GIGYF2: variants seen among roughly 807,000 people sequenced by gnomAD.
GIGYF2 encodes GRB10 interacting GYF protein 2, also known as GRB10-interacting GYF protein 2.
A neutral mutation model predicts 208.1 loss-of-function variants in GIGYF2; 25 were observed. The observed-to-expected ratio is 0.12, with a 90% CI of 0.09 to 0.17. The LOEUF is 0.17. Among genes scored for constraint, GIGYF2 ranks in the 10% least tolerant of loss-of-function variants. The pLI is 1.00. For synonymous variants in GIGYF2, 534 were observed against 543.8 expected (o/e 0.98, Z 0.25); for missense variants, 1,302 against 1,579.4 (o/e 0.82, Z 2.98).
intron 6 of GIGYF2, among the ~76,000 whole-genome samples, chr2:232,759,585 A>G (rs1362181094): frequency 1.3e-5 from 2 of 152,132 alleles, no homozygotes; most frequent in African/African-American, 4.8e-5. Flanking sequence ...TGAACAGAAT[A>G]ATGTCCGTGC....
chr2:232,827,071 T>G (rs910590415), intron 21 of GIGYF2, among the ~76,000 whole-genome samples: 7 of 152,212 alleles, frequency 4.6e-5, no homozygotes, highest in African/African-American at 1.4e-4. Flanking sequence ...GAGAACTCAG[T>G]GCCTGGCCTC....
At chr2:232,756,198 T>TC (rs35554391) in intron 5 of GIGYF2, 25 bp from the exon 6 acceptor site, 95 of 172,562 alleles carry the variant, frequency 5.5e-4, no homozygotes, top group Middle Eastern at 2.7e-3. Flanking sequence ...CCTTTTTCTC[T>TC]TTTTTTTTTT....
At chr2:232,708,756 C>G (rs907068084) in intron 2 of GIGYF2, among the ~76,000 whole-genome samples, 1 of 151,700 alleles carries the variant, frequency 6.6e-6, no homozygotes, top group Non-Finnish European at 1.5e-5. Context: ...CCTCTGCCTC[C>G]CAGGCTCAAG....
chr2:232,790,408 G>A (rs1401572990), intron 9 of GIGYF2, among the ~76,000 whole-genome samples: 2 of 152,206 alleles, frequency 1.3e-5, no homozygotes, highest in African/African-American at 2.4e-5. Flanking sequence ...CTTACTGAAA[G>A]TGCGTACTTG....
At chr2:232,750,040 C>T (rs1381867241) in intron 5 of GIGYF2, among the ~76,000 whole-genome samples, 4 of 152,020 alleles carry the variant, frequency 2.6e-5, no homozygotes, top group Admixed American at 2.6e-4. Context: ...AAAAAATTAG[C>T]CGAGCATGGT....
chr2:232,729,219 A>G (rs774231134), intron 2 of GIGYF2, among the ~76,000 whole-genome samples: 1 of 152,102 alleles, frequency 6.6e-6, no homozygotes, highest in Non-Finnish European at 1.5e-5. Flanking sequence ...AGCTCAAGTG[A>G]TCTGCATGCC....
At position 232,765,251 on chromosome 2, in the gene GIGYF2, C is replaced by G. The variant is rs375223795; in HGVS notation, c.532+3815C>G. 310 of 152,274 alleles carry G rather than the reference C, an allele frequency of 2.0e-3. 1 individual carries two copies. Among genetic ancestry groups the G allele is most frequent in the African/African-American group, 7.1e-3 (295 of 41,550 alleles). 9.4% of individuals were successfully genotyped at this position (152,274 alleles called of 1,614,324 possible). A position where few individuals can be genotyped will look rare whatever the true frequency, so the allele number is the denominator to read the frequency against. Reference sequence around the variant, plus strand: ...ACATTGTTCATAATTATATCTTACACTCTCCAAGAGTAGCAATACTAAACT... The same window carrying G: ...ACATTGTTCATAATTATATCTTACAGTCTCCAAGAGTAGCAATACTAAACT... On this transcript the variant is annotated intron_variant, in intron 8 of 28. Coordinates refer to ENST00000373563, the MANE Select transcript of GIGYF2 (RefSeq NM_001103146.3).
chr2:232,851,903 G>A (rs928078597), intron 28 of GIGYF2, among the ~76,000 whole-genome samples: 1 of 152,294 alleles, frequency 6.6e-6, no homozygotes, highest in Admixed American at 6.5e-5. Context: ...TTTTGGTAGT[G>A]GGGATGAAAA....
At chr2:232,812,953 A>T (rs777620163) in intron 18 of GIGYF2, among the ~76,000 whole-genome samples, 19 of 152,070 alleles carry the variant, frequency 1.2e-4, no homozygotes, top group Non-Finnish European at 2.5e-4. Context: ...GTGAGCTATG[A>T]TCATGCCAAG....
intron 28 of GIGYF2, among the ~76,000 whole-genome samples, chr2:232,853,205 C>G (rs773520615): frequency 1.3e-5 from 2 of 152,162 alleles, no homozygotes; most frequent in African/African-American, 2.4e-5. Flanking sequence ...GCTACACATT[C>G]CCCATGCATA....
intron 8 of GIGYF2, among the ~76,000 whole-genome samples, chr2:232,773,547 G>A (rs532320103): frequency 6.6e-6 from 1 of 152,080 alleles, no homozygotes; most frequent in African/African-American, 2.4e-5. Context: ...TTCTCAAGAA[G>A]GTCTTTGATA....
chr2:232,817,141 GA>G (rs1700940510), intron 20 of GIGYF2, 109 bp downstream of exon 20: 1 of 873,290 alleles, frequency 1.1e-6, no homozygotes, highest in Non-Finnish European at 2.0e-6. Flanking sequence ...ATTGGGGTTA[GA>G]ACCTTAGAAG....
intron 2 of GIGYF2, among the ~76,000 whole-genome samples, chr2:232,721,903 T>C (rs1696960102): frequency 6.6e-6 from 1 of 152,236 alleles, no homozygotes; most frequent in African/African-American, 2.4e-5. Flanking sequence ...TCTCTAGTTC[T>C]ACTAGTGCTT....
intron 21 of GIGYF2, among the ~76,000 whole-genome samples, chr2:232,821,551 T>G (rs1285206556): frequency 6.6e-6 from 1 of 152,212 alleles, no homozygotes; most frequent in Non-Finnish European, 1.5e-5. Context: ...CTTTTAGCTC[T>G]TACTTTTAGT....
chr2:232,847,508 GCAGCTGCCA>G lies in GIGYF2; in HGVS notation c.3626_3634del (p.Leu1209_Gln1211del). On this transcript the variant is annotated inframe_deletion, in exon 27 of 29. Transcript: ENST00000373563. Reference sequence around the variant, plus strand: ...AAGCCAACCAGCAGCGTCAGCAGCAGCAGCTGCCACAGCAGCAGCAGCAGCAGCCGCCAC... The same window carrying G: ...AAGCCAACCAGCAGCGTCAGCAGCAGCAGCAGCAGCAGCAGCAGCCGCCAC... 1 of 1,381,962 alleles carries G rather than the reference GCAGCTGCCA, an allele frequency of 7.2e-7. No individual in the cohort carries two copies. The highest frequency in any genetic ancestry group is 9.9e-7 in the Non-Finnish European group (1 of 1,006,824). The allele number at this position is 1,381,962 out of a possible 1,614,324, so 85.6% of individuals were successfully genotyped here. A position where few individuals can be genotyped will look rare whatever the true frequency, so the allele number is the denominator to read the frequency against.
At chr2:232,851,019 G>A (rs1342802601) in intron 28 of GIGYF2, among the ~76,000 whole-genome samples, 2 of 152,090 alleles carry the variant, frequency 1.3e-5, no homozygotes, top group African/African-American at 4.8e-5. Flanking sequence ...TGTTACCCAC[G>A]GCTATTTTTA....
At position 232,833,196 on chromosome 2, in the gene GIGYF2, T is replaced by C. The variant is rs750817791; in HGVS notation, c.2766+103T>C. On this transcript the variant is annotated intron_variant, in intron 22 of 28. Coordinates refer to ENST00000373563, the MANE Select transcript of GIGYF2 (RefSeq NM_001103146.3). ...AGTAAAACTGTTCTTTCTTTCTTTT[T>C]TTAATATTAAAATATTTTAAATTAT... The C allele has an allele frequency of 2.5e-4, 150 of 607,716 alleles. 2 individuals are homozygous for C. In the Middle Eastern group the frequency reaches 5.4e-3, roughly 22 times the overall value. 37.6% of individuals were successfully genotyped at this position (607,716 alleles called of 1,614,324 possible). A position where few individuals can be genotyped will look rare whatever the true frequency, so the allele number is the denominator to read the frequency against.
intron 8 of GIGYF2, among the ~76,000 whole-genome samples, chr2:232,783,352 T>A (rs960535303): frequency 1.4e-4 from 22 of 152,302 alleles, no homozygotes; most frequent in African/African-American, 5.1e-4. Flanking sequence ...TTATTTTTTG[T>A]TTTGTTTATT....
chr2:232,747,604 T>G lies in GIGYF2; in HGVS notation c.42-11T>G, dbSNP rs775666711. On this transcript the variant is annotated splice_polypyrimidine_tract_variant and intron_variant, in intron 3 of 28. Transcript: ENST00000373563. ...GAATGTTTGACATATTCTCTGTCTT[T>G]TCTATTCTAGGCTCCGAGCTCTGTC... is the stretch of plus-strand genomic sequence containing the variant. 5.0e-6 allele frequency: 8 copies of G among 1,613,794 alleles called. No individual in the cohort carries two copies. Among genetic ancestry groups the G allele is most frequent in the Non-Finnish European group, 5.9e-6 (7 of 1,179,814 alleles).
Sources: gnomAD v4.1 joint callset for allele counts (sites outside exome capture counted in the v4.1 genomes callset) on GRCh38, gnomAD v4.1.1 for gene constraint, MANE v1.5 for transcripts, NCBI Gene and HGNC (gene_info 2026-07-23, HGNC 2026-07-21) for gene names.